Variants in DTNBP1 observed in about 807,000 individuals in gnomAD.
DTNBP1 encodes dysbindin.
A neutral mutation model predicts 42.8 loss-of-function variants in DTNBP1; 35 were observed. The observed-to-expected ratio is 0.82, with a 90% confidence interval of 0.63 to 1.09. DTNBP1 has a LOEUF of 1.09. Ranked by LOEUF, DTNBP1 falls within the 50% of genes least tolerant of loss-of-function variation. DTNBP1 has a pLI of 0.00. For synonymous variants in DTNBP1, 171 were observed against 162.2 expected, an observed-to-expected ratio of 1.05 and a Z score of -0.41; for missense variants, 457 against 424.2, an observed-to-expected ratio of 1.08 and a Z score of -0.68.
intron 8 of DTNBP1, among the ~76,000 whole-genome samples, chr6:15,525,382 G>A (rs1194521588): frequency 6.6e-6 from 1 of 152,210 alleles, no homozygotes; most frequent in Non-Finnish European, 1.5e-5. Flanking sequence ...GGAATGCCTG[G>A]CAGAAGCAAA....
At chr6:15,612,441 T>C (rs1758461088) in intron 6 of DTNBP1, among the ~76,000 whole-genome samples, 2 of 152,232 alleles carry the variant, frequency 1.3e-5, no homozygotes, top group African/African-American at 2.4e-5. Context: ...ATTGCTATCA[T>C]ATGTTTCCAA....
intron 7 of DTNBP1, chr6:15,579,824 A>G (rs908199243): frequency 3.3e-5 from 15 of 454,666 alleles, no homozygotes; most frequent in Non-Finnish European, 6.2e-5. Flanking sequence ...AGAAAAAAAG[A>G]AAAGAGTGAA....
intron 5 of DTNBP1, among the ~76,000 whole-genome samples, chr6:15,619,340 G>C (rs1758909235): frequency 6.6e-6 from 1 of 152,012 alleles, no homozygotes; most frequent in Non-Finnish European, 1.5e-5. Context: ...ACAATTATGT[G>C]TCAATTAAAA....
rs115920579 is a variant in DTNBP1 at position 15,563,784 on chromosome 6, G to A, written c.511+29275C>T. On this transcript the variant is annotated intron_variant, in intron 7 of 9. Transcript: ENST00000344537. ...TTAAGAATCCTAGCCCCAGCTGGGC[G>A]CAGTGGCTCACACCTACAATCCCAG... Among the ~76,000 whole-genome samples the A allele has an allele frequency of 7.2e-3, 1,094 of 152,286 alleles. 20 individuals carry two copies. The highest frequency in any genetic ancestry group is 0.025 in the African/African-American group (1,040 of 41,550).
intron 7 of DTNBP1, among the ~76,000 whole-genome samples, chr6:15,572,969 C>T (rs1274578673): frequency 1.3e-5 from 2 of 152,182 alleles, no homozygotes; most frequent in Non-Finnish European, 2.9e-5. Context: ...TAGGCTCAGG[C>T]GATCCTCCAG....
At chr6:15,621,275 A>AC (rs1365670455) in intron 5 of DTNBP1, among the ~76,000 whole-genome samples, 2 of 152,130 alleles carry the variant, frequency 1.3e-5, no homozygotes, top group Non-Finnish European at 2.9e-5. Flanking sequence ...TGTTCTTTTT[A>AC]CCTCTTTAAT....
intron 7 of DTNBP1, among the ~76,000 whole-genome samples, chr6:15,535,226 G>A (rs970377342): frequency 6.6e-6 from 1 of 152,108 alleles, no homozygotes; most frequent in African/African-American, 2.4e-5. Context: ...GAAGGAGCCT[G>A]CTTCCCCTTC....
chr6:15,643,462 A>G (rs560676230), intron 3 of DTNBP1, among the ~76,000 whole-genome samples: 1 of 152,278 alleles, frequency 6.6e-6, no homozygotes, highest in East Asian at 1.9e-4. Flanking sequence ...GAGATACCAT[A>G]TAAGATGACA....
intron 4 of DTNBP1, among the ~76,000 whole-genome samples, chr6:15,632,157 TA>T (rs1270103170): frequency 1.3e-5 from 2 of 152,196 alleles, no homozygotes; most frequent in African/African-American, 2.4e-5. Context: ...TATTGGTTTA[TA>T]GGGGTTATTC....
chr6:15,645,845 A>G (rs1322788744), intron 3 of DTNBP1, among the ~76,000 whole-genome samples: 1 of 152,140 alleles, frequency 6.6e-6, no homozygotes, highest in Non-Finnish European at 1.5e-5. Context: ...TGAATGGGCA[A>G]TAGTTGAAAG....
At chr6:15,573,654 AAAAC>A (rs1293329281) in intron 7 of DTNBP1, among the ~76,000 whole-genome samples, 4 of 152,086 alleles carry the variant, frequency 2.6e-5, no homozygotes, top group African/African-American at 9.7e-5. Context: ...GAAGAAAAAA[AAAAC>A]AAACAAAAGG....
At chr6:15,544,603 G>A (rs1290654311) in intron 7 of DTNBP1, among the ~76,000 whole-genome samples, 3 of 152,212 alleles carry the variant, frequency 2.0e-5, no homozygotes, top group African/African-American at 7.2e-5. Context: ...CACAGGTTGA[G>A]TATCCCTGCG....
chr6:15,613,983 C>A (rs1050101665), intron 6 of DTNBP1, among the ~76,000 whole-genome samples: 4 of 152,116 alleles, frequency 2.6e-5, no homozygotes, highest in African/African-American at 9.7e-5. Context: ...TTTCAACTTT[C>A]TCCACTGGAA....
At position 15,522,984 on chromosome 6, in the gene DTNBP1, G is replaced by A. The variant is rs767052986; in HGVS notation, c.1047C>T (p.Ser349=). ...ACGCCCATGTCCCAATTTAAGAGTC[G>A]CTGTCCTCACCACCATCCGGAGTGG... is the stretch of plus-strand genomic sequence containing the variant. The part of the protein sequence containing the change: ...REATPDGGED[S]DS Residue 349 remains serine, a synonymous_variant, in exon 10 of 10, where the codon AGC becomes AGT. Coordinates refer to ENST00000344537, the MANE Select transcript of DTNBP1 (RefSeq NM_032122.5). 6.2e-6 allele frequency: 10 copies of A among 1,614,072 alleles called. 1 individual carries two copies. Among genetic ancestry groups the A allele is most frequent in the South Asian group, 3.3e-5 (3 of 91,088 alleles).
At chr6:15,564,092 G>A (rs974774697) in intron 7 of DTNBP1, among the ~76,000 whole-genome samples, 9 of 149,950 alleles carry the variant, frequency 6.0e-5, no homozygotes, top group African/African-American at 2.2e-4. Context: ...AAGAACTCTA[G>A]CCCCAAACTC....
chr6:15,523,809 G>A, intron 9 of DTNBP1: 3 of 1,287,188 alleles, frequency 2.3e-6, no homozygotes, highest in Non-Finnish European at 3.0e-6. Flanking sequence ...CTCTTCCCCA[G>A]GATGACACCG....
chr6:15,532,214 G>A (rs947575741), intron 8 of DTNBP1, among the ~76,000 whole-genome samples: 4 of 152,240 alleles, frequency 2.6e-5, no homozygotes, highest in African/African-American at 9.6e-5. Context: ...CAGGCTGGAG[G>A]GAAAATGTAA....
chr6:15,522,962 C>T lies in DTNBP1; in HGVS notation c.*13G>A. ...TGGATTCCAGTGTGGCCAGACAACG[C>T]CCATGTCCCAATTTAAGAGTCGCTG... On this transcript the variant is annotated 3_prime_UTR_variant, in exon 10 of 10. Transcript: ENST00000344537. 2.5e-6 allele frequency: 4 copies of T among 1,614,176 alleles called. No homozygotes were observed. In the South Asian group the frequency reaches 4.4e-5, roughly 18 times the overall value.
At chr6:15,610,654 C>T (rs1434444702) in intron 6 of DTNBP1, among the ~76,000 whole-genome samples, 2 of 152,190 alleles carry the variant, frequency 1.3e-5, no homozygotes, top group East Asian at 1.9e-4. Context: ...CTCCAATGAA[C>T]ACATGAACGA....
Sources: allele counts gnomAD v4.1 joint callset (sites outside exome capture counted in the v4.1 genomes callset), GRCh38; gene constraint gnomAD v4.1.1; transcripts MANE v1.5; gene names NCBI Gene and HGNC (gene_info 2026-07-23, HGNC 2026-07-21).